The following SLIT2 variants were observed in gnomAD, a reference collection of about 807,000 sequenced individuals.
SLIT2 encodes the protein slit guidance ligand 2, also known as slit homolog 2 protein.
Under a neutral mutation model 185.7 loss-of-function variants are expected in SLIT2, and 41 were observed. The observed-to-expected ratio is 0.22, with a 90% confidence interval of 0.17 to 0.29. The LOEUF (loss-of-function observed/expected upper bound fraction) is 0.29, where lower values mean the gene tolerates loss of function less well. SLIT2 is among the 10% of genes least tolerant of loss of function. The pLI is 1.00. For synonymous variants in SLIT2, 693 were observed against 680.2 expected, an observed-to-expected ratio of 1.02 and a Z score of -0.29; for missense variants, 1,571 against 1,909.0, an observed-to-expected ratio of 0.82 and a Z score of 3.30.
chr4:20,581,478 T>C (rs973486718), intron 29 of SLIT2, among the ~76,000 whole-genome samples: 2 of 152,194 alleles, frequency 1.3e-5, no homozygotes, highest in Non-Finnish European at 2.9e-5. Context: ...AAACCTGGTC[T>C]TCTTCCACTG....
Position 20,254,979 on chromosome 4 carries a change from T to G in SLIT2, c.179+985T>G. 1 of 456,284 alleles carries G rather than the reference T, an allele frequency of 2.2e-6. No individual in the cohort carries two copies. The allele number at this position is 456,284 out of a possible 1,614,324, so 28.3% of individuals were successfully genotyped here. A position where few individuals can be genotyped will look rare whatever the true frequency, so the allele number is the denominator to read the frequency against. ...CCGGTGTTGACGGCCCACGCGCTCC[T>G]GATGAGGCGCTTCCAGAGTTCAGCG... On this transcript the variant is annotated intron_variant, in intron 1 of 36. Transcript: ENST00000504154. This position sits in a 1 kb window ranked among gnomAD's most constrained non-coding sequence, Gnocchi z 5.1.
At chr4:20,435,105 G>A (rs1369651936) in intron 4 of SLIT2, among the ~76,000 whole-genome samples, 2 of 152,100 alleles carry the variant, frequency 1.3e-5, no homozygotes, top group Non-Finnish European at 2.9e-5. Flanking sequence ...AAAAATGTTT[G>A]GCAACATTGC....
intron 4 of SLIT2, among the ~76,000 whole-genome samples, chr4:20,364,495 A>G (rs1339728046): frequency 1.3e-5 from 2 of 152,088 alleles, no homozygotes; most frequent in African/African-American, 4.8e-5. Flanking sequence ...ACCATACTCT[A>G]ATAGTTTGTT....
At chr4:20,429,525 C>T (rs1456851512) in intron 4 of SLIT2, among the ~76,000 whole-genome samples, 5 of 152,090 alleles carry the variant, frequency 3.3e-5, no homozygotes, top group East Asian at 3.9e-4. Flanking sequence ...GTAATGATTA[C>T]GTACACAAAT....
chr4:20,496,931 A>G (rs1417478206), intron 9 of SLIT2, among the ~76,000 whole-genome samples: 2 of 152,188 alleles, frequency 1.3e-5, no homozygotes, highest in Non-Finnish European at 2.9e-5. Context: ...TTAAGCATAA[A>G]ATCAGCAAGA....
At chr4:20,296,980 C>T (rs1264147328) in intron 4 of SLIT2, among the ~76,000 whole-genome samples, 2 of 152,210 alleles carry the variant, frequency 1.3e-5, no homozygotes, top group Non-Finnish European at 2.9e-5. Flanking sequence ...TATGCGCAAT[C>T]GGAAGCTCTT....
intron 29 of SLIT2, among the ~76,000 whole-genome samples, chr4:20,580,197 A>G (rs1158720327): frequency 1.3e-5 from 2 of 150,856 alleles, no homozygotes; most frequent in South Asian, 4.2e-4. Context: ...AGTAGCTGGG[A>G]TTACAGATGC....
intron 15 of SLIT2, among the ~76,000 whole-genome samples, chr4:20,527,578 C>T (rs890317584): frequency 1.3e-5 from 2 of 152,132 alleles, no homozygotes; most frequent in Admixed American, 6.5e-5. Context: ...AGCCACCACA[C>T]CCGGCCTTGA....
intron 3 of SLIT2, among the ~76,000 whole-genome samples, chr4:20,261,314 G>A (rs765343123): frequency 6.6e-6 from 1 of 151,838 alleles, no homozygotes; most frequent in Non-Finnish European, 1.5e-5. Flanking sequence ...TCACAAATAA[G>A]CTGCAGTAAG....
intron 4 of SLIT2, among the ~76,000 whole-genome samples, chr4:20,298,994 TG>T (rs1353344000): frequency 6.6e-6 from 1 of 152,206 alleles, no homozygotes; most frequent in Non-Finnish European, 1.5e-5. Context: ...AGTTGTAATT[TG>T]ACATTTATCT....
chr4:20,424,513 A>G (rs1226006632), intron 4 of SLIT2, among the ~76,000 whole-genome samples: 1 of 152,098 alleles, frequency 6.6e-6, no homozygotes, highest in Non-Finnish European at 1.5e-5. Flanking sequence ...TGTAGTAACC[A>G]TTTATTCACA....
At position 20,254,677 on chromosome 4, in the gene SLIT2, G is replaced by C. The variant is rs1406364070; in HGVS notation, c.179+683G>C. On this transcript the variant is annotated intron_variant, in intron 1 of 36. Coordinates refer to ENST00000504154, the MANE Select transcript of SLIT2 (RefSeq NM_004787.4). The surrounding 1 kb of genome is among the most constrained non-coding windows in gnomAD (Gnocchi z 5.1). ...GACTTGTCTCAGCGGGCGACTGCGA[G>C]GGAGGACCGTGTCCCATCCGTTAAG... Among the ~76,000 whole-genome samples the C allele has an allele frequency of 6.6e-6, 1 of 152,080 alleles. No homozygotes were observed. Among genetic ancestry groups the C allele is most frequent in the Admixed American group, 6.5e-5 (1 of 15,278 alleles).
intron 4 of SLIT2, among the ~76,000 whole-genome samples, chr4:20,291,482 ATATATATATATTTTTTTTTTTTTTT>A (rs1212356966): frequency 0.011 from 137 of 12,594 alleles, 1 homozygote; most frequent in Admixed American, 0.02. Flanking sequence ...ATATATATAT[ATATATATATATTTTTTTTTTTTTTT>A]TTTTTTTTTT....
chr4:20,450,037 C>A (rs1712292256), intron 4 of SLIT2, among the ~76,000 whole-genome samples: 3 of 152,064 alleles, frequency 2.0e-5, no homozygotes, highest in Admixed American at 2.0e-4. Flanking sequence ...AACTAAGAAC[C>A]TGCATTCTTT....
At chr4:20,416,638 T>C (rs1727711030) in intron 4 of SLIT2, among the ~76,000 whole-genome samples, 1 of 152,218 alleles carries the variant, frequency 6.6e-6, no homozygotes, top group Non-Finnish European at 1.5e-5. Context: ...TCATGTTAGA[T>C]GATTATTTGT....
At chr4:20,461,010 A>T (rs1441210459) in intron 4 of SLIT2, among the ~76,000 whole-genome samples, 1 of 152,234 alleles carries the variant, frequency 6.6e-6, no homozygotes, top group East Asian at 1.9e-4. Context: ...CAATTCTAAG[A>T]TATATTTAAT....
chr4:20,579,084 A>G (rs1726310817), intron 29 of SLIT2, among the ~76,000 whole-genome samples: 1 of 152,082 alleles, frequency 6.6e-6, no homozygotes, highest in South Asian at 2.1e-4. Context: ...TCACGAGGTC[A>G]GGAGTTTGAG....
chr4:20,604,651 T>C (rs1728652631), intron 33 of SLIT2, among the ~76,000 whole-genome samples: 1 of 151,978 alleles, frequency 6.6e-6, no homozygotes, highest in East Asian at 2.0e-4. Flanking sequence ...CCAGCCTACA[T>C]AGATATCTTT....
intron 4 of SLIT2, among the ~76,000 whole-genome samples, chr4:20,395,981 G>T (rs572484382): frequency 1.3e-5 from 2 of 151,776 alleles, no homozygotes; most frequent in East Asian, 3.9e-4. Context: ...ATTTTTAAAA[G>T]GTAGATCACA....
Sources: gnomAD v4.1 joint callset for allele counts (sites outside exome capture counted in the v4.1 genomes callset) on GRCh38, gnomAD v4.1.1 for gene constraint, Gnocchi (gnomAD v3.1) non-coding constraint, MANE v1.5 for transcripts, NCBI Gene and HGNC (gene_info 2026-07-23, HGNC 2026-07-21) for gene names.